DNAH8: variants seen among roughly 807,000 people sequenced by gnomAD.
DNAH8 encodes axonemal beta dynein heavy chain 8.
Under a neutral mutation model 562.1 loss-of-function variants are expected in DNAH8, and 382 were observed. The ratio of observed to expected loss-of-function variants is 0.68; its 90% CI spans 0.63 to 0.74. The LOEUF is 0.74. Ranked by LOEUF, DNAH8 falls within the 30% of genes least tolerant of loss-of-function variation. The pLI is 0.00. For synonymous variants in DNAH8, 1,881 were observed against 1,919.4 expected, an observed-to-expected ratio of 0.98 and a Z score of 0.52; for missense variants, 5,203 against 5,620.4, an observed-to-expected ratio of 0.93 and a Z score of 2.37.
At chr6:38,781,086 A>G (rs1768548063) in intron 15 of DNAH8, among the ~76,000 whole-genome samples, 168 bp from the exon 16 acceptor site, 2 of 152,206 alleles carry the variant, frequency 1.3e-5, no homozygotes, top group South Asian at 2.1e-4. Flanking sequence ...GGTCAACATC[A>G]TTGTTTCAAA....
intron 53 of DNAH8, among the ~76,000 whole-genome samples, chr6:38,877,896 C>G (rs4443498): frequency 0.43 from 65,923 of 151,866 alleles, 15,220 homozygotes; most frequent in East Asian, 0.84. Flanking sequence ...CTGAAATCAC[C>G]GAGGGAAGTG....
In DNAH8 at chr6:38,875,632, A is replaced by C. The variant is rs529995536; in HGVS notation, c.7662A>C (p.Glu2554Asp). 6.2e-6 allele frequency: 10 copies of C among 1,613,296 alleles called. No homozygotes were observed. The highest frequency in any genetic ancestry group is 4.0e-5 in the African/African-American group (3 of 75,036). The change falls in exon 53 of 93, where the codon GAA (glutamate) becomes GAC (aspartate). Residue 2554 changes from glutamate to aspartate, a missense_variant. Physicochemically the swap from Glu to Asp is conservative, Grantham distance 45. Around this residue, in one of 6 missense-constraint regions of DNAH8, gnomAD observed 977 missense variants for 1,061.8 expected, o/e 0.92. Coordinates refer to ENST00000327475, the MANE Select transcript of DNAH8 (RefSeq NM_001206927.2). The part of the protein sequence containing the change: ...LLEGLIPSKE[E>D]GGVSCVEHLH... ...AAGGGTTAATTCCCTCCAAAGAAGA[A>C]GGCGGTGTTTCCTGTGTCGAACATC...
chr6:38,832,259 T>C (rs759757763), intron 30 of DNAH8, 63 bp from the exon 31 acceptor site: 1 of 964,346 alleles, frequency 1.0e-6, no homozygotes, highest in African/African-American at 1.6e-5. Flanking sequence ...TGGAATAGAA[T>C]TGTAATTTTT....
chr6:38,755,903 T>C (rs1765859610), intron 9 of DNAH8, 69 bp from the exon 10 acceptor site: 1 of 897,940 alleles, frequency 1.1e-6, no homozygotes, highest in African/African-American at 1.7e-5. Context: ...GAGTTTTGAG[T>C]ATTATAGAAT....
chr6:39,014,990 T>C (rs1399059886), intron 91 of DNAH8, among the ~76,000 whole-genome samples: 1 of 151,808 alleles, frequency 6.6e-6, no homozygotes, highest in African/African-American at 2.4e-5. Flanking sequence ...AGTGATTAAA[T>C]GGGGGTCTCT....
In DNAH8 at chr6:38,870,414, A is replaced by G; in HGVS notation, c.6842A>G (p.Glu2281Gly). The G allele has an allele frequency of 6.2e-7, 1 of 1,613,040 alleles. No individual in the cohort carries two copies. The highest frequency in any genetic ancestry group is 8.5e-7 in the Non-Finnish European group (1 of 1,179,518). The change falls in exon 49 of 93, where the codon GAA (glutamate) becomes GGA (glycine). Residue 2281 changes from glutamate (E) to glycine (G), a missense_variant. Physicochemically the swap from Glu to Gly is moderately conservative, Grantham distance 98. Transcript: ENST00000327475. ...ATGCCACCTTAGGTTGATGAAGATG[A>G]ACCCCTGTTCCTCAGCTTAATCAAT... is the stretch of plus-strand genomic sequence containing the variant. ...MNLSKLVDED[E>G]PLFLSLINDL...
At chr6:38,720,776 G>A (rs906381097) in intron 1 of DNAH8, among the ~76,000 whole-genome samples, 3 of 151,896 alleles carry the variant, frequency 2.0e-5, no homozygotes, top group Admixed American at 2.0e-4. Flanking sequence ...TAATAAGAAG[G>A]CAATATGTGA....
At chr6:38,823,464 A>G in intron 27 of DNAH8, 98 bp from the exon 28 acceptor site, 1 of 916,844 alleles carries the variant, frequency 1.1e-6, no homozygotes, top group Non-Finnish European at 1.7e-6. Flanking sequence ...TTGCACACAC[A>G]AGTGTAAATG....
intron 76 of DNAH8, among the ~76,000 whole-genome samples, chr6:38,934,411 A>C (rs995264904): frequency 1.6e-4 from 24 of 152,070 alleles, no homozygotes; most frequent in Admixed American, 2.6e-4. Flanking sequence ...CAAAAAAACA[A>C]AAAACAAAAC....
chr6:38,808,254 A>G (rs1771474294), intron 24 of DNAH8, among the ~76,000 whole-genome samples: 1 of 152,104 alleles, frequency 6.6e-6, no homozygotes, highest in African/African-American at 2.4e-5. Context: ...ACCTGCTAGG[A>G]GTGGGTTTGG....
In DNAH8 at chr6:38,990,122, A is replaced by G. The variant is rs1356577333; in HGVS notation, c.13164A>G (p.Pro4388=). Residue 4388 remains proline (P), a synonymous_variant, in exon 88 of 93, where the codon CCA becomes CCG. Transcript: ENST00000327475. ...DQYFEYIQSL[P]SLDNPEVFGL... is the part of the protein sequence containing the mutation. ...ATTTTGAATACATCCAGTCACTGCC[A>G]TCCCTAGATAACCCTGAAGTCTTTG... The G allele has an allele frequency of 2.5e-6, 4 of 1,610,432 alleles. No homozygotes were observed. The African/African-American group carries it at 4.0e-5, about 16-fold the overall frequency.
chr6:38,993,755 C>G (rs1345187434), intron 88 of DNAH8, among the ~76,000 whole-genome samples: 1 of 152,118 alleles, frequency 6.6e-6, no homozygotes, highest in Middle Eastern at 3.4e-3. Flanking sequence ...TATTATCTTC[C>G]TCATATTTTT....
intron 4 of DNAH8, among the ~76,000 whole-genome samples, chr6:38,730,867 C>T (rs1050619708): frequency 3.9e-5 from 6 of 152,144 alleles, no homozygotes; most frequent in African/African-American, 1.2e-4. Context: ...TCTCTCCTCA[C>T]CTGGCTTTTT....
intron 76 of DNAH8, among the ~76,000 whole-genome samples, chr6:38,932,216 A>ACACACACACACACACACCCC (rs375631180): frequency 1.4e-4 from 21 of 145,740 alleles, no homozygotes; most frequent in African/African-American, 5.4e-4. Flanking sequence ...ACACACACAC[A>ACACACACACACACACACCCC]CCCGTCTCTT....
chr6:38,859,500 A>G (rs998208295), intron 42 of DNAH8, among the ~76,000 whole-genome samples: 5 of 152,214 alleles, frequency 3.3e-5, no homozygotes, highest in African/African-American at 4.8e-5. Context: ...TTTTAGTGTC[A>G]GTTGAATGAC....
At chr6:38,988,475 A>G (rs1764557163) in intron 87 of DNAH8, among the ~76,000 whole-genome samples, 1 of 152,194 alleles carries the variant, frequency 6.6e-6, no homozygotes, top group Non-Finnish European at 1.5e-5. Context: ...TCTTCCTGCA[A>G]TTTAAGTCAT....
intron 16 of DNAH8, 122 bp from the exon 17 acceptor site, chr6:38,782,882 A>T: frequency 1.1e-6 from 1 of 881,084 alleles, no homozygotes; most frequent in Non-Finnish European, 1.7e-6. Context: ...TTTTACTGTG[A>T]GGCAGAATCT....
intron 69 of DNAH8, 126 bp downstream of exon 69, chr6:38,917,532 A>G: frequency 1.3e-6 from 1 of 773,070 alleles, no homozygotes; most frequent in Non-Finnish European, 2.1e-6. Context: ...AGTTTATCTT[A>G]AACTCCATCA....
At chr6:39,000,182 G>A (rs1046345931) in intron 88 of DNAH8, among the ~76,000 whole-genome samples, 10 of 152,262 alleles carry the variant, frequency 6.6e-5, no homozygotes, top group African/African-American at 2.2e-4. Context: ...GATGCAGTCC[G>A]TGCTCTTGGA....
Sources: allele counts gnomAD v4.1 joint callset (sites outside exome capture counted in the v4.1 genomes callset), GRCh38; gene constraint gnomAD v4.1.1; regional missense constraint gnomAD v4.1.1; transcripts MANE v1.5; gene names NCBI Gene and HGNC (gene_info 2026-07-23, HGNC 2026-07-21).